The following SLC8A1 variants were observed in gnomAD, a reference collection of about 807,000 sequenced individuals.
SLC8A1 encodes solute carrier family 8 member A1.
Under a neutral mutation model 68.3 loss-of-function variants are expected in SLC8A1, and 18 were observed. The observed-to-expected ratio is 0.26, with a 90% CI of 0.18 to 0.39. The LOEUF (loss-of-function observed/expected upper bound fraction) is 0.39, where lower values mean the gene tolerates loss of function less well. Ranked by LOEUF, SLC8A1 falls within the 10% of genes least tolerant of loss-of-function variation. SLC8A1 has a pLI of 1.00. For synonymous variants in SLC8A1, 475 were observed against 415.5 expected, an observed-to-expected ratio of 1.14 and a Z score of -1.74; for missense variants, 985 against 1,156.7, an observed-to-expected ratio of 0.85 and a Z score of 2.15.
At chr2:40,123,923 C>G (rs2037487435) in intron 7 of SLC8A1, among the ~76,000 whole-genome samples, 1 of 152,226 alleles carries the variant, frequency 6.6e-6, no homozygotes, top group Non-Finnish European at 1.5e-5. Flanking sequence ...TCGGTGTCCT[C>G]TGACTCGCTT....
chr2:40,106,108 T>C (rs1168466154), exon 8 of SLC8A1: 1 of 152,254 alleles, frequency 6.6e-6, no homozygotes, highest in Non-Finnish European at 1.5e-5. Flanking sequence ...GCTTTGTGTT[T>C]AAAGTTTAAA....
intron 2 of SLC8A1, among the ~76,000 whole-genome samples, chr2:40,269,314 A>T (rs2065738164): frequency 6.6e-6 from 1 of 152,220 alleles, no homozygotes; most frequent in East Asian, 1.9e-4. Context: ...TATTAAGGCC[A>T]ATGCTTTTGT....
At chr2:40,239,160 A>C (rs907891216) in intron 2 of SLC8A1, among the ~76,000 whole-genome samples, 1 of 152,228 alleles carries the variant, frequency 6.6e-6, no homozygotes, top group African/African-American at 2.4e-5. Context: ...AGGAAACAAC[A>C]GTCAGCAAAT....
At chr2:40,401,380 C>A (rs550870359) in intron 2 of SLC8A1, among the ~76,000 whole-genome samples, 61 of 152,214 alleles carry the variant, frequency 4.0e-4, no homozygotes, top group Non-Finnish European at 5.1e-4. Context: ...GTTGCCCAAA[C>A]CTTTCAAGGT....
At chr2:40,335,709 T>C (rs1300496380) in intron 2 of SLC8A1, among the ~76,000 whole-genome samples, 4 of 152,242 alleles carry the variant, frequency 2.6e-5, no homozygotes, top group Admixed American at 1.3e-4. Context: ...ACAAACTACA[T>C]AGATCATGAA....
chr2:40,309,945 A>G (rs886876997), intron 2 of SLC8A1, among the ~76,000 whole-genome samples: 3 of 152,116 alleles, frequency 2.0e-5, no homozygotes, highest in African/African-American at 7.2e-5. Flanking sequence ...TTCAGCCCCA[A>G]AAGAAACCCT....
chr2:40,491,284 TTGTC>T (rs1326746417), intron 1 of SLC8A1, among the ~76,000 whole-genome samples: 2 of 152,164 alleles, frequency 1.3e-5, no homozygotes, highest in Non-Finnish European at 1.5e-5. Context: ...GGTTCTCTGT[TTGTC>T]TGTTATTGGT....
intron 2 of SLC8A1, among the ~76,000 whole-genome samples, chr2:40,425,989 A>T (rs1361447485): frequency 6.6e-6 from 1 of 151,958 alleles, no homozygotes; most frequent in Non-Finnish European, 1.5e-5. Context: ...CTTTGATAAT[A>T]TGTTTTTCTA....
intron 2 of SLC8A1, among the ~76,000 whole-genome samples, chr2:40,238,250 C>T (rs1321130000): frequency 6.6e-6 from 1 of 152,224 alleles, no homozygotes; most frequent in Non-Finnish European, 1.5e-5. Context: ...TGCTAGCAAT[C>T]AGTGAGACTC....
chr2:40,501,954 T>C (rs9678966), intron 1 of SLC8A1, among the ~76,000 whole-genome samples: 3,332 of 152,120 alleles, frequency 0.022, 107 homozygotes, highest in African/African-American at 0.072. Flanking sequence ...TCAATCAAGA[T>C]CTTACCATGA....
In SLC8A1 at chr2:40,440,344, G is replaced by A. The variant is rs76853789; in HGVS notation, c.-24-10040C>T. Reference sequence around the variant, plus strand: ...CTAAAAGGAGCCATTGAAAAAGGTAGAGAAAAAAGTCACTGGAGGAAGAAA... The same window carrying A: ...CTAAAAGGAGCCATTGAAAAAGGTAAAGAAAAAAGTCACTGGAGGAAGAAA... On this transcript the variant is annotated intron_variant, in intron 1 of 7. Coordinates refer to ENST00000406785, the Ensembl canonical transcript of SLC8A1. Among the ~76,000 whole-genome samples, 1,138 of 152,142 alleles carry A rather than the reference G, an allele frequency of 7.5e-3. 14 individuals are homozygous for A. The highest frequency in any genetic ancestry group is 0.026 in the African/African-American group (1,078 of 41,516).
At chr2:40,344,191 T>C (rs1668535525) in intron 2 of SLC8A1, among the ~76,000 whole-genome samples, 1 of 152,178 alleles carries the variant, frequency 6.6e-6, no homozygotes, top group African/African-American at 2.4e-5. Context: ...ACTAGAACTA[T>C]TTAAAATATC....
At chr2:40,115,748 A>G (rs1423263395) in intron 7 of SLC8A1, 119 bp from the exon 11 acceptor site, 5 of 1,345,652 alleles carry the variant, frequency 3.7e-6, no homozygotes, top group Non-Finnish European at 5.0e-6. Flanking sequence ...AGTGACCAAG[A>G]AATGGCTTTG....
intron 6 of SLC8A1, among the ~76,000 whole-genome samples, chr2:40,156,912 A>G (rs1039608818): frequency 3.3e-5 from 5 of 152,146 alleles, no homozygotes; most frequent in Non-Finnish European, 7.3e-5. Flanking sequence ...CTCAGGCCTC[A>G]TGCACAGCAA....
At chr2:40,248,177 A>G (rs1369994818) in intron 2 of SLC8A1, among the ~76,000 whole-genome samples, 1 of 152,236 alleles carries the variant, frequency 6.6e-6, no homozygotes, top group Non-Finnish European at 1.5e-5. Context: ...AATGTTCTCA[A>G]CTATGGATTA....
chr2:40,488,769 G>C (rs1243335439), intron 1 of SLC8A1, among the ~76,000 whole-genome samples: 2 of 151,952 alleles, frequency 1.3e-5, no homozygotes, highest in African/African-American at 4.8e-5. Flanking sequence ...TGATTTCTTT[G>C]CTTGTCTGAG....
chr2:40,486,655 A>G (rs1384820432), intron 1 of SLC8A1, among the ~76,000 whole-genome samples: 1 of 152,196 alleles, frequency 6.6e-6, no homozygotes, highest in Non-Finnish European at 1.5e-5. Flanking sequence ...AAGGGAAAAT[A>G]TGTCTAACCA....
exon 8 of SLC8A1, chr2:40,099,305 G>T (rs1413303826): frequency 6.6e-6 from 1 of 151,990 alleles, no homozygotes; most frequent in Non-Finnish European, 1.5e-5. Flanking sequence ...GTGTGTGTCT[G>T]TGCGTGCACT....
At chr2:40,488,745 T>TCA (rs1297585852) in intron 1 of SLC8A1, among the ~76,000 whole-genome samples, 3 of 152,116 alleles carry the variant, frequency 2.0e-5, no homozygotes, top group African/African-American at 7.2e-5. Context: ...GCCGTGTTAA[T>TCA]ATTATATGCA....
Sources: allele counts gnomAD v4.1 joint callset (sites outside exome capture counted in the v4.1 genomes callset), GRCh38; gene constraint gnomAD v4.1.1; transcripts MANE v1.5; gene names NCBI Gene and HGNC (gene_info 2026-07-23, HGNC 2026-07-21).